The following CELSR3 variants were observed in gnomAD, a reference collection of about 807,000 sequenced individuals.
CELSR3 encodes the protein EGF-like protein 1.
In CELSR3, 73 loss-of-function variants were observed where a neutral mutation model predicts 270.0. The observed-to-expected ratio is 0.27, with a 90% CI of 0.22 to 0.33. CELSR3 has a LOEUF of 0.33. Among genes scored for constraint, CELSR3 ranks in the 10% least tolerant of loss-of-function variants. CELSR3 has a pLI of 1.00. For missense variants in CELSR3, 3,614 were observed against 4,533.8 expected, an observed-to-expected ratio of 0.80 and a Z score of 5.83; for synonymous variants, 1,780 against 1,905.4, an observed-to-expected ratio of 0.93 and a Z score of 1.71.
Position 48,652,882 on chromosome 3 carries a change from T to G in CELSR3, c.5634+120A>C, listed in dbSNP as rs1575543361. On this transcript the variant is annotated intron_variant, in intron 10 of 34. Transcript: ENST00000164024. The surrounding 1 kb of genome is among the most constrained non-coding windows in gnomAD (Gnocchi z 4.3). ...AGGATATATGGTGGGGAACTAGGGG[T>G]AGAACATCAGACTCAGTGCAGTGGA... 1 of 866,208 alleles carries G rather than the reference T, an allele frequency of 1.2e-6. No homozygotes were observed. The highest frequency in any genetic ancestry group is 1.9e-6 in the Non-Finnish European group (1 of 538,292). The allele number at this position is 866,208 out of a possible 1,614,324, so 53.7% of individuals were successfully genotyped here. A position where few individuals can be genotyped will look rare whatever the true frequency, so the allele number is the denominator to read the frequency against.
At position 48,657,236 on chromosome 3, in the gene CELSR3, G is replaced by A. The variant is rs2077031426; in HGVS notation, c.3861C>T (p.Phe1287=). ...GGAAGCGGCCCAGCAGCGGTGACAG[G>A]AAGCGCTCCTGCCACATGTTCTCAA... ...VRLENMWQER[F]LSPLLGRFLE... Residue 1287 remains phenylalanine, a synonymous_variant, in exon 2 of 35, where the codon TTC becomes TTT. Transcript: ENST00000164024. The surrounding 1 kb of genome is among the most constrained non-coding windows in gnomAD (Gnocchi z 5.4). The A allele has an allele frequency of 6.2e-7, 1 of 1,613,030 alleles. No individual in the cohort carries two copies. The highest frequency in any genetic ancestry group is 1.3e-5 in the African/African-American group (1 of 74,912).
At position 48,659,938 on chromosome 3, in the gene CELSR3, G is replaced by A. The variant is rs749207666; in HGVS notation, c.2697C>T (p.Asp899=). ...ENARITYLLE[D]NLPQFRIDAD... ...CATCAATGCGGAACTGGGGCAGGTT[G>A]TCCTCCAGGAGATAGGTGATACGAG... The change falls in exon 1 of 35, where the codon GAC becomes GAT. Residue 899 remains aspartate (D), a synonymous_variant. Transcript: ENST00000164024. The surrounding 1 kb of genome is among the most constrained non-coding windows in gnomAD (Gnocchi z 8.1). 1.2e-6 allele frequency: 2 copies of A among 1,614,208 alleles called. No individual in the cohort carries two copies. Among genetic ancestry groups the A allele is most frequent in the Non-Finnish European group, 1.7e-6 (2 of 1,180,042 alleles).
At position 48,645,334 on chromosome 3, in the gene CELSR3, C is replaced by G; in HGVS notation, c.7797+109G>C. On this transcript the variant is annotated intron_variant, in intron 24 of 34. Transcript: ENST00000164024. The surrounding 1 kb of genome is among the most constrained non-coding windows in gnomAD (Gnocchi z 5.4). ...TCTTACCCCAGCATCCTGCTGAAAA[C>G]CCTGGCCCCAACCTGAGCATCCCTG... 1 of 1,559,784 alleles carries G rather than the reference C, an allele frequency of 6.4e-7. No homozygotes were observed. Among genetic ancestry groups the G allele is most frequent in the Non-Finnish European group, 8.8e-7 (1 of 1,140,722 alleles).
Position 48,646,927 on chromosome 3 carries a change from A to T in CELSR3, c.7131T>A (p.Val2377=). Residue 2377 remains valine, a splice_region_variant and synonymous_variant, in exon 21 of 35, where the codon GTT becomes GTA. Coordinates refer to ENST00000164024, the MANE Select transcript of CELSR3 (RefSeq NM_001407.3). This position sits in a 1 kb window ranked among gnomAD's most constrained non-coding sequence, Gnocchi z 4.8. ...SQSPRPSPSE[V]LPTSSSIENS... is the part of the protein sequence containing the mutation. Reference sequence around the variant, plus strand: ...TTTCTATGCTGCTGCTTGTGGGCAGAACTGCCAGGAGAGAAGGAGGAGCTT... The same window carrying T: ...TTTCTATGCTGCTGCTTGTGGGCAGTACTGCCAGGAGAGAAGGAGGAGCTT... The T allele has an allele frequency of 2.0e-6, 3 of 1,530,796 alleles. No individual in the cohort carries two copies. Among genetic ancestry groups the T allele is most frequent in the South Asian group, 2.5e-5 (2 of 81,158 alleles). The allele number at this position is 1,530,796 out of a possible 1,614,324, so 94.8% of individuals were successfully genotyped here. A position where few individuals can be genotyped will look rare whatever the true frequency, so the allele number is the denominator to read the frequency against.
chr3:48,659,909 T>G lies in CELSR3; in HGVS notation c.2726A>C (p.Asp909Ala). The change falls in exon 1 of 35, where the codon GAC becomes GCC. Residue 909 changes from aspartate to alanine, a missense_variant. Physicochemically the swap from Asp to Ala is moderately radical, Grantham distance 126. This residue lies in a region of CELSR3 where 1,331 missense variants were observed against 1,933.7 expected (regional missense o/e 0.69). Transcript: ENST00000164024. The surrounding 1 kb of genome is among the most constrained non-coding windows in gnomAD (Gnocchi z 8.1). ...GGCCTGTAATGTAATGGCTCCTGAG[T>G]CTGCATCAATGCGGAACTGGGGCAG... ...DNLPQFRIDA[D>A]SGAITLQAPL... 1.2e-6 allele frequency: 2 copies of G among 1,614,084 alleles called. No individual in the cohort carries two copies. Among genetic ancestry groups the G allele is most frequent in the Non-Finnish European group, 1.7e-6 (2 of 1,180,006 alleles).
Position 48,641,743 on chromosome 3 carries a change from G to A in CELSR3, c.8824+108C>T. The A allele has an allele frequency of 3.4e-6, 4 of 1,162,090 alleles. No individual in the cohort carries two copies. The highest frequency in any genetic ancestry group is 4.7e-6 in the Non-Finnish European group (4 of 849,194). 72.0% of individuals were successfully genotyped at this position (1,162,090 alleles called of 1,614,324 possible). ...AAAGTTGGGGAACCTGATGACTGAG[G>A]GGTCAGAAAGACCAGGATGAACCCC... On this transcript the variant is annotated intron_variant, in intron 32 of 34. Coordinates refer to ENST00000164024, the MANE Select transcript of CELSR3 (RefSeq NM_001407.3). The surrounding 1 kb of genome is among the most constrained non-coding windows in gnomAD (Gnocchi z 4.8).
rs780176919 is a variant in CELSR3, at chr3:48,646,155, C to G, written c.7398G>C (p.Glu2466Asp). The part of the protein sequence containing the change: ...RGILESPISL[E>D]FRLLQTANRS... ...GATTCGCTGTCTGTAGCAGGCGAAA[C>G]TCTAGGCTGATGGGGGACTCCAGGA... The change falls in exon 22 of 35, where the codon GAG becomes GAC. Residue 2466 changes from glutamate (E) to aspartate (D), a missense_variant. By Grantham distance (45) the Glu-to-Asp change is conservative. Around this residue, in one of 7 missense-constraint regions of CELSR3, gnomAD observed 1,240 missense variants for 1,351.7 expected, o/e 0.92. Transcript: ENST00000164024. The surrounding 1 kb of genome is among the most constrained non-coding windows in gnomAD (Gnocchi z 4.8). 4 of 1,612,794 alleles carry G rather than the reference C, an allele frequency of 2.5e-6. No homozygotes were observed. Among genetic ancestry groups the G allele is most frequent in the Non-Finnish European group, 3.4e-6 (4 of 1,179,966 alleles).
At position 48,652,336 on chromosome 3, in the gene CELSR3, A is replaced by G. The variant is rs2047144734; in HGVS notation, c.5751+101T>C. On this transcript the variant is annotated intron_variant, in intron 11 of 34. Transcript: ENST00000164024. The surrounding 1 kb of genome is among the most constrained non-coding windows in gnomAD (Gnocchi z 4.3). ...AACTCTGGGTCATTCACCCCCTCGC[A>G]CCAACCCCCACTTGAATACTGCCTT... 1 of 996,230 alleles carries G rather than the reference A, an allele frequency of 1.0e-6. No individual in the cohort carries two copies. The highest frequency in any genetic ancestry group is 1.6e-6 in the Non-Finnish European group (1 of 623,482). 61.7% of individuals were successfully genotyped at this position (996,230 alleles called of 1,614,324 possible). A position where few individuals can be genotyped will look rare whatever the true frequency, so the allele number is the denominator to read the frequency against.
In CELSR3 at chr3:48,658,871, G is replaced by A. The variant is rs1430870592; in HGVS notation, c.3748+16C>T. The A allele has an allele frequency of 1.9e-6, 3 of 1,608,216 alleles. No individual in the cohort carries two copies. The highest frequency in any genetic ancestry group is 1.7e-5 in the Admixed American group (1 of 59,844). Reference sequence around the variant, plus strand: ...GTTGGTGTCACTGGGTCACTTGCCTGCCCCCTGCCCCTCACCTGTGACAGT... The same window carrying A: ...GTTGGTGTCACTGGGTCACTTGCCTACCCCCTGCCCCTCACCTGTGACAGT... On this transcript the variant is annotated intron_variant, in intron 1 of 34. Transcript: ENST00000164024. The surrounding 1 kb of genome is among the most constrained non-coding windows in gnomAD (Gnocchi z 4.7).
chr3:48,637,954 A>G lies in CELSR3; in HGVS notation c.*251T>C, dbSNP rs1209267381. ...GGAGACAGAAAAGCTGAAAAATAAC[A>G]TAAGCATCTCTCTGGTTACAAAGGT... On this transcript the variant is annotated 3_prime_UTR_variant, in exon 35 of 35. Coordinates refer to ENST00000164024, the MANE Select transcript of CELSR3 (RefSeq NM_001407.3). 2.2e-6 allele frequency: 1 copy of G among 460,224 alleles called. No homozygotes were observed. Among genetic ancestry groups the G allele is most frequent in the Non-Finnish European group, 3.9e-6 (1 of 254,294 alleles). 28.5% of individuals were successfully genotyped at this position (460,224 alleles called of 1,614,324 possible).
intron 18 of CELSR3, 53 bp downstream of exon 18, chr3:48,648,666 G>T: frequency 6.4e-7 from 1 of 1,573,738 alleles, no homozygotes; most frequent in Non-Finnish European, 8.6e-7. Flanking sequence ...TCCAGGGGCA[G>T]GAGGCTGGGA....
rs756209930 is a variant in CELSR3, at chr3:48,642,438, G to A, written c.8585C>T (p.Ala2862Val). The A allele has an allele frequency of 2.5e-6, 4 of 1,613,194 alleles. No homozygotes were observed. In the Admixed American group the frequency reaches 6.7e-5, roughly 27 times the overall value. ...GAGGCTGTGGTCAGTGTGGTCAGCGGCTGAGCCATGTCGAACCAGGACATT... is the reference window on the plus strand; with the variant it reads ...GAGGCTGTGGTCAGTGTGGTCAGCGACTGAGCCATGTCGAACCAGGACATT... ...RDNVLVRHGS[A>V]ADHTDHSLQA... Residue 2862 changes from alanine (A) to valine (V), a missense_variant, in exon 31 of 35, where the codon GCC (alanine) becomes GTC (valine). Ala to Val is a moderately conservative substitution (Grantham distance 64). Around this residue, in one of 7 missense-constraint regions of CELSR3, gnomAD observed 1,240 missense variants for 1,351.7 expected, o/e 0.92. Coordinates refer to ENST00000164024, the MANE Select transcript of CELSR3 (RefSeq NM_001407.3). The surrounding 1 kb of genome is among the most constrained non-coding windows in gnomAD (Gnocchi z 6.1).
chr3:48,657,268 C>A lies in CELSR3; in HGVS notation c.3829G>T (p.Val1277Leu). 1 of 1,612,172 alleles carries A rather than the reference C, an allele frequency of 6.2e-7. No individual in the cohort carries two copies. Among genetic ancestry groups the A allele is most frequent in the Non-Finnish European group, 8.5e-7 (1 of 1,179,306 alleles). The change falls in exon 2 of 35, where the codon GTG becomes TTG. Residue 1277 changes from valine (V) to leucine (L), a missense_variant. Coordinates refer to ENST00000164024, the MANE Select transcript of CELSR3 (RefSeq NM_001407.3). This position sits in a 1 kb window ranked among gnomAD's most constrained non-coding sequence, Gnocchi z 5.4. ...TEELLANSLT[V>L]RLENMWQERF... Reference sequence around the variant, plus strand: ...TCCTGCCACATGTTCTCAAGGCGCACGGTCAGGCTGTTGGCCAGCAACTCC... The same window carrying A: ...TCCTGCCACATGTTCTCAAGGCGCAAGGTCAGGCTGTTGGCCAGCAACTCC...
At position 48,639,885 on chromosome 3, in the gene CELSR3, G is replaced by A; in HGVS notation, c.9700C>T (p.Pro3234Ser). ...TGTTCTGTGGAGGGGCCATGGCTGG[G>A]GCCACTGACCGAGTCCTCCCTAGCT... Reference protein sequence around the residue: ...LRAREDSVSGPSHGPSTEQLD... With the variant: ...LRAREDSVSGSSHGPSTEQLD... Residue 3234 changes from proline to serine, a missense_variant, in exon 34 of 35, where the codon CCC becomes TCC. Physicochemically the swap from Pro to Ser is moderately conservative, Grantham distance 74. Transcript: ENST00000164024. The surrounding 1 kb of genome is among the most constrained non-coding windows in gnomAD (Gnocchi z 4.1). 1.2e-6 allele frequency: 2 copies of A among 1,613,452 alleles called. No individual in the cohort carries two copies. Among genetic ancestry groups the A allele is most frequent in the Non-Finnish European group, 8.5e-7 (1 of 1,180,014 alleles).
In CELSR3 at chr3:48,641,266, C is replaced by T. The variant is rs1347157152; in HGVS notation, c.9025+58G>A. 2.7e-5 allele frequency: 32 copies of T among 1,165,834 alleles called. No homozygotes were observed. Among genetic ancestry groups the T allele is most frequent in the Non-Finnish European group, 3.7e-5 (29 of 782,468 alleles). The allele number at this position is 1,165,834 out of a possible 1,614,324, so 72.2% of individuals were successfully genotyped here. ...ATGAGGAAGCTGCAATCCCTTGGCT[C>T]AGGGCATGAGCAGCCCCCAGCGTGT... On this transcript the variant is annotated intron_variant, in intron 33 of 34. Transcript: ENST00000164024. The surrounding 1 kb of genome is among the most constrained non-coding windows in gnomAD (Gnocchi z 4.8).
chr3:48,655,654 A>T lies in CELSR3; in HGVS notation c.4741+82T>A. ...GCGTGGAGTGTGTGCTCAGGTGCAC[A>T]GTGAAGCAAACCTGAGGGGACTTGG... On this transcript the variant is annotated intron_variant, in intron 4 of 34. Transcript: ENST00000164024. The surrounding 1 kb of genome is among the most constrained non-coding windows in gnomAD (Gnocchi z 5.8). The T allele has an allele frequency of 1.6e-6, 2 of 1,230,260 alleles. No homozygotes were observed. The highest frequency in any genetic ancestry group is 2.4e-6 in the Non-Finnish European group (2 of 833,096). The allele number at this position is 1,230,260 out of a possible 1,614,324, so 76.2% of individuals were successfully genotyped here.
In CELSR3 at chr3:48,648,249, C is replaced by CCCCCCCCCAA; in HGVS notation, c.6973+16_6973+17insTTGGGGGGGG. On this transcript the variant is annotated intron_variant, in intron 19 of 34. Transcript: ENST00000164024. ...GGCCCCCCTGCTGTGCCCCGCCCTACCCCACCCACAACGCACTGATATTAG... is the reference window on the plus strand; with the variant it reads ...GGCCCCCCTGCTGTGCCCCGCCCTACCCCCCCCCAACCCACCCACAACGCACTGATATTAG... 3 of 728,336 alleles carry CCCCCCCCCAA rather than the reference C, an allele frequency of 4.1e-6. No individual in the cohort carries two copies. Among genetic ancestry groups the CCCCCCCCCAA allele is most frequent in the Non-Finnish European group, 6.9e-6 (3 of 433,720 alleles). 45.1% of individuals were successfully genotyped at this position (728,336 alleles called of 1,614,324 possible). A position where few individuals can be genotyped will look rare whatever the true frequency, so the allele number is the denominator to read the frequency against.
At chr3:48,656,395 C>G in intron 2 of CELSR3, 30 bp from the exon 3 acceptor site, 1 of 1,390,460 alleles carries the variant, frequency 7.2e-7, no homozygotes, top group East Asian at 2.9e-5. Context: ...CAGAGGCGGT[C>G]ACGCCCACGC....
In CELSR3 at chr3:48,660,234, G is replaced by A. The variant is rs376559910; in HGVS notation, c.2401C>T (p.Arg801Cys). The part of the protein sequence containing the change: ...YQITGGNTRN[R>C]FAISTQGGVG... ...CCCCCCTGGGTGCTGATGGCAAAGC[G>A]ATTCCGGGTGTTGCCGCCTGTGATC... The change falls in exon 1 of 35, where the codon CGC (arginine) becomes TGC (cysteine). Residue 801 changes from arginine to cysteine, a missense_variant. By Grantham distance (180) the Arg-to-Cys change is radical. Coordinates refer to ENST00000164024, the MANE Select transcript of CELSR3 (RefSeq NM_001407.3). This position sits in a 1 kb window ranked among gnomAD's most constrained non-coding sequence, Gnocchi z 5.5. The A allele has an allele frequency of 1.2e-5, 20 of 1,614,028 alleles. No individual in the cohort carries two copies. Among genetic ancestry groups the A allele is most frequent in the East Asian group, 2.2e-5 (1 of 44,894 alleles).
Sources: gnomAD v4.1 joint callset for allele counts on GRCh38, gnomAD v4.1.1 for gene constraint, gnomAD v4.1.1 regional missense constraint, Gnocchi (gnomAD v3.1) non-coding constraint, MANE v1.5 for transcripts, NCBI Gene and HGNC (gene_info 2026-07-23, HGNC 2026-07-21) for gene names.